Variants in CDH8 observed in about 807,000 individuals in gnomAD.
CDH8 encodes the protein cadherin-8.
A neutral mutation model predicts 68.1 loss-of-function variants in CDH8; 17 were observed. That is an observed-to-expected ratio of 0.25 (90% CI 0.17 to 0.37). CDH8 has a LOEUF of 0.37. Among genes scored for constraint, CDH8 ranks in the 10% least tolerant of loss-of-function variants. The pLI is 1.00. For missense variants in CDH8, 763 were observed against 999.3 expected, an observed-to-expected ratio of 0.76 and a Z score of 3.19; for synonymous variants, 372 against 365.1, an observed-to-expected ratio of 1.02 and a Z score of -0.21.
At chr16:62,007,285 G>A (rs981759749) in intron 2 of CDH8, among the ~76,000 whole-genome samples, 4 of 152,106 alleles carry the variant, frequency 2.6e-5, no homozygotes, top group Admixed American at 6.5e-5. Context: ...TACCTCCCAC[G>A]TCTCTTCTAA....
Position 61,653,735 on chromosome 16 carries a change from G to C in CDH8, c.2273C>G (p.Ser758Cys). 2.5e-6 allele frequency: 4 copies of C among 1,614,172 alleles called. No individual in the cohort carries two copies. The highest frequency in any genetic ancestry group is 3.4e-6 in the Non-Finnish European group (4 of 1,180,032). Residue 758 changes from serine to cysteine, a missense_variant, in exon 12 of 12, where the codon TCC becomes TGC. By Grantham distance (112) the Ser-to-Cys change is moderately radical. This residue lies in a region of CDH8 where 397 missense variants were observed against 436.2 expected (regional missense o/e 0.91). Transcript: ENST00000577390. The part of the protein sequence containing the change: ...GYEGRGSVAG[S>C]LSSLESTTSD... ...TGTGGTGGACTCCAAGGAGCTGAGG[G>C]AGCCAGCCACTGACCCTCGGCCTTC...
chr16:61,809,073 T>C (rs1259168975), intron 7 of CDH8, among the ~76,000 whole-genome samples: 2 of 151,900 alleles, frequency 1.3e-5, no homozygotes, highest in Non-Finnish European at 2.9e-5. Context: ...GTAATCCCAG[T>C]TACTCGGGAA....
chr16:61,962,955 A>G (rs1243446474), intron 2 of CDH8, among the ~76,000 whole-genome samples: 1 of 152,156 alleles, frequency 6.6e-6, no homozygotes, highest in African/African-American at 2.4e-5. Context: ...CTGTTGTAAC[A>G]TTGTATTCAC....
At chr16:61,787,159 C>A (rs1961244783) in intron 8 of CDH8, among the ~76,000 whole-genome samples, 1 of 151,936 alleles carries the variant, frequency 6.6e-6, no homozygotes, top group Non-Finnish European at 1.5e-5. Flanking sequence ...AGGCAGCCTA[C>A]AAACTGGGAG....
intron 7 of CDH8, among the ~76,000 whole-genome samples, chr16:61,790,571 C>G (rs187873698): frequency 2.6e-5 from 4 of 152,146 alleles, no homozygotes; most frequent in Admixed American, 2.0e-4. Context: ...TTCATTGATA[C>G]TCATTAAACT....
intron 3 of CDH8, among the ~76,000 whole-genome samples, chr16:61,858,724 CGAAAGCCTCATTG>C (rs1342833256): frequency 2.0e-5 from 3 of 152,096 alleles, no homozygotes; most frequent in Non-Finnish European, 2.9e-5. Flanking sequence ...GCAGTCACAA[CGAAAGCCTCATTG>C]GACTCCATAG....
chr16:61,735,575 C>T (rs1959655756), intron 8 of CDH8, among the ~76,000 whole-genome samples: 1 of 151,998 alleles, frequency 6.6e-6, no homozygotes, highest in South Asian at 2.1e-4. Flanking sequence ...GATGAATCTC[C>T]TACAACCAAG....
intron 3 of CDH8, among the ~76,000 whole-genome samples, chr16:61,866,933 G>A (rs566396139): frequency 2.6e-5 from 4 of 152,212 alleles, no homozygotes; most frequent in Admixed American, 6.5e-5. Flanking sequence ...TACAGTGGCT[G>A]TTCGTTTTTT....
intron 2 of CDH8, among the ~76,000 whole-genome samples, chr16:61,940,993 A>T (rs748299432): frequency 3.9e-5 from 6 of 152,248 alleles, no homozygotes; most frequent in Admixed American, 1.3e-4. Flanking sequence ...AAGATGTGGG[A>T]ATTAGAAATG....
intron 4 of CDH8, among the ~76,000 whole-genome samples, chr16:61,852,412 T>C (rs1962955249): frequency 1.3e-5 from 2 of 152,100 alleles, no homozygotes; most frequent in South Asian, 2.1e-4. Context: ...TAGGAAGATA[T>C]ATTAATAATC....
chr16:61,730,565 C>T (rs1022488053), intron 8 of CDH8, among the ~76,000 whole-genome samples: 8 of 151,548 alleles, frequency 5.3e-5, no homozygotes, highest in South Asian at 2.1e-4. Context: ...TTGGAACCCA[C>T]TTTTTATAGC....
chr16:61,696,199 C>T (rs771060479), intron 10 of CDH8, among the ~76,000 whole-genome samples: 28 of 152,176 alleles, frequency 1.8e-4, no homozygotes, highest in Non-Finnish European at 3.2e-4. Context: ...GCTGGTATGT[C>T]TGTGACTTAC....
intron 9 of CDH8, among the ~76,000 whole-genome samples, chr16:61,716,450 G>A (rs1420444120): frequency 6.6e-6 from 1 of 151,678 alleles, no homozygotes; most frequent in African/African-American, 2.4e-5. Context: ...CATTAGATAA[G>A]CAATTTATTG....
At chr16:61,675,627 T>TAAA (rs201984187) in intron 10 of CDH8, among the ~76,000 whole-genome samples, 1 of 43,654 alleles carries the variant, frequency 2.3e-5, no homozygotes, top group African/African-American at 2.4e-4. Flanking sequence ...ATAAAAAAAA[T>TAAA]AAAAAAAAAT....
chr16:61,804,227 G>A (rs978676098), intron 7 of CDH8, among the ~76,000 whole-genome samples: 111 of 151,318 alleles, frequency 7.3e-4, no homozygotes, highest in Middle Eastern at 3.4e-3. Flanking sequence ...TACTGGGTAC[G>A]TAACGAAATG....
intron 2 of CDH8, among the ~76,000 whole-genome samples, chr16:61,951,325 C>T (rs1233825494): frequency 6.6e-6 from 1 of 151,842 alleles, no homozygotes; most frequent in Non-Finnish European, 1.5e-5. Flanking sequence ...TCCTGGCTAA[C>T]AAGGCAAAAC....
chr16:61,950,687 A>C (rs919597108), intron 2 of CDH8, among the ~76,000 whole-genome samples: 1 of 152,208 alleles, frequency 6.6e-6, no homozygotes, highest in Non-Finnish European at 1.5e-5. Context: ...TTATGTCATT[A>C]AAACCGCATA....
At chr16:61,770,144 T>C (rs966647100) in intron 8 of CDH8, among the ~76,000 whole-genome samples, 1 of 152,026 alleles carries the variant, frequency 6.6e-6, no homozygotes, top group South Asian at 2.1e-4. Context: ...GTGTTCAGGT[T>C]ACATCCATCT....
At chr16:61,904,011 C>G (rs1188859047) in intron 2 of CDH8, among the ~76,000 whole-genome samples, 1 of 151,896 alleles carries the variant, frequency 6.6e-6, no homozygotes, top group Non-Finnish European at 1.5e-5. Flanking sequence ...TCACTTTTAG[C>G]TTATCCAAGT....
Sources: gnomAD v4.1 joint callset for allele counts (sites outside exome capture counted in the v4.1 genomes callset) on GRCh38, gnomAD v4.1.1 for gene constraint, gnomAD v4.1.1 regional missense constraint, MANE v1.5 for transcripts, NCBI Gene and HGNC (gene_info 2026-07-23, HGNC 2026-07-21) for gene names.